The following ORC1 variants were observed in gnomAD, a reference collection of about 807,000 sequenced individuals.
ORC1 encodes origin recognition complex, subunit 1 homolog.
ORC1 carries 61 observed loss-of-function variants against 98.9 expected under a neutral mutation model. That is an observed-to-expected ratio of 0.62 (90% CI 0.50 to 0.76). The LOEUF is 0.76. ORC1 is among the 30% of genes least tolerant of loss of function. ORC1 has a pLI of 0.00. For missense variants in ORC1, 979 were observed against 1,072.2 expected (o/e 0.91, Z 1.21); for synonymous variants, 385 against 406.9 (o/e 0.95, Z 0.65).
At chr1:52,383,329 G>A (rs569496361) in intron 13 of ORC1, 91 bp downstream of exon 13, 96 of 1,508,754 alleles carry the variant, frequency 6.4e-5, no homozygotes, top group African/African-American at 5.9e-4. Flanking sequence ...GTTTACAGGC[G>A]TGAGCCACCA....
chr1:52,396,122 C>T lies in ORC1; in HGVS notation c.645G>A (p.Arg215=), dbSNP rs1181678979. ...AEHVAKRIES[R]HSASKSRQTP... Reference sequence around the variant, plus strand: ...TTTGGCGAGATTTGGAGGCGGAGTGCCTTGATTCAATCCTTTTGGCCACAT... The same window carrying T: ...TTTGGCGAGATTTGGAGGCGGAGTGTCTTGATTCAATCCTTTTGGCCACAT... Residue 215 remains arginine (R), a synonymous_variant, in exon 5 of 17, where the codon AGG becomes AGA. Transcript: ENST00000371568. The T allele has an allele frequency of 1.9e-6, 3 of 1,614,038 alleles. No individual in the cohort carries two copies. The highest frequency in any genetic ancestry group is 2.5e-6 in the Non-Finnish European group (3 of 1,180,056).
chr1:52,375,777 A>C (rs191522854), intron 14 of ORC1, among the ~76,000 whole-genome samples, 178 bp from the exon 15 acceptor site: 1 of 152,336 alleles, frequency 6.6e-6, no homozygotes, highest in East Asian at 1.9e-4. Context: ...CCTCTAGTCC[A>C]AACCTCTGTC....
In ORC1 at chr1:52,396,142, C is replaced by T. The variant is rs1553148123; in HGVS notation, c.625G>A (p.Ala209Thr). 4.3e-6 allele frequency: 7 copies of T among 1,614,122 alleles called. No individual in the cohort carries two copies. In the Middle Eastern group the frequency reaches 1.2e-3, roughly 266 times the overall value. ...GAGTGCCTTGATTCAATCCTTTTGG[C>T]CACATGTTCTGCTGGGGTCCAAGAA... Reference protein sequence around the residue: ...SPSWTPAEHVAKRIESRHSAS... With the variant: ...SPSWTPAEHVTKRIESRHSAS... Residue 209 changes from alanine to threonine, a missense_variant, in exon 5 of 17, where the codon GCC (alanine) becomes ACC (threonine). Ala to Thr is a moderately conservative substitution (Grantham distance 58). Coordinates refer to ENST00000371568, the MANE Select transcript of ORC1 (RefSeq NM_004153.4).
At chr1:52,408,540 C>T, upstream of ORC1, 2 of 1,613,824 alleles carry the variant, frequency 1.2e-6, no homozygotes, top group Non-Finnish European at 1.7e-6. Context: ...CTAGGATGGC[C>T]TGTTGTTTCA....
At chr1:52,404,695 C>G, upstream of ORC1, 1 of 1,580,994 alleles carries the variant, frequency 6.3e-7, no homozygotes, top group Non-Finnish European at 8.6e-7. Context: ...TTTTTCTGAA[C>G]CTGGATGTGA....
At chr1:52,388,834 A>G (rs1258785517) in intron 7 of ORC1, among the ~76,000 whole-genome samples, 197 bp from the exon 8 acceptor site, 4 of 152,066 alleles carry the variant, frequency 2.6e-5, no homozygotes, top group African/African-American at 9.7e-5. Flanking sequence ...TATGACATGT[A>G]TATTATTATA....
At chr1:52,395,587 T>G (rs1569947268) in intron 5 of ORC1, among the ~76,000 whole-genome samples, 1 of 152,102 alleles carries the variant, frequency 6.6e-6, no homozygotes, top group East Asian at 1.9e-4. Context: ...CCAAGGCGGG[T>G]GGATCACTTG....
At chr1:52,375,340 TA>T in intron 15 of ORC1, 89 bp downstream of exon 15, 1 of 1,118,202 alleles carries the variant, frequency 8.9e-7, no homozygotes, top group Non-Finnish European at 1.4e-6. Flanking sequence ...ACTGTGTTAT[TA>T]ATAAGTGCAG....
At chr1:52,382,414 A>G (rs1001009093) in intron 13 of ORC1, among the ~76,000 whole-genome samples, 4 of 152,078 alleles carry the variant, frequency 2.6e-5, no homozygotes, top group Non-Finnish European at 5.9e-5. Context: ...TATGCTATAC[A>G]TTGTCACTGC....
At chr1:52,383,086 T>C (rs1220050436) in intron 13 of ORC1, among the ~76,000 whole-genome samples, 2 of 151,854 alleles carry the variant, frequency 1.3e-5, no homozygotes, top group East Asian at 3.9e-4. Flanking sequence ...TTTTTTTTTT[T>C]TGGGATGGAC....
At chr1:52,408,923 T>G, upstream of ORC1, 1 of 410,134 alleles carries the variant, frequency 2.4e-6, no homozygotes, top group Non-Finnish European at 4.4e-6. Flanking sequence ...GTGCATCTTA[T>G]GTTAATCCCT....
rs964590065 is a variant in ORC1 at position 52,383,870 on chromosome 1, C to T, written c.1823G>A (p.Arg608Gln). The T allele has an allele frequency of 1.1e-5, 18 of 1,614,000 alleles. No homozygotes were observed. The highest frequency in any genetic ancestry group is 1.4e-5 in the Non-Finnish European group (17 of 1,180,034). Residue 608 changes from arginine (R) to glutamine (Q), a missense_variant, in exon 12 of 17, where the codon CGA (arginine) becomes CAA (glutamine). By Grantham distance (43) the Arg-to-Gln change is conservative (BLOSUM62 1). Coordinates refer to ENST00000371568, the MANE Select transcript of ORC1 (RefSeq NM_004153.4). ...GACGGTGGTTTCCTGAGGTGACCCT[C>T]GGGTGCAGAATTGCTTTGCCAGCAG... ...AELLAKQFCT[R>Q]GSPQETTVLL... is the part of the protein sequence containing the mutation.
chr1:52,409,468 G>A, the ORC1 span: 2 of 152,154 alleles, frequency 1.3e-5, no homozygotes, highest in Admixed American at 1.3e-4. Flanking sequence ...GTAATTAGCA[G>A]GGTGTGGAGG....
At chr1:52,380,608 T>A (rs1557571410) in intron 14 of ORC1, among the ~76,000 whole-genome samples, 1 of 151,058 alleles carries the variant, frequency 6.6e-6, no homozygotes, top group Admixed American at 6.6e-5. Flanking sequence ...GGCAGGAGAA[T>A]CTCTTGAACC....
chr1:52,403,839 G>C (rs1263357319), intron 1 of ORC1, among the ~76,000 whole-genome samples: 1 of 152,164 alleles, frequency 6.6e-6, no homozygotes, highest in Non-Finnish European at 1.5e-5. Context: ...CGCAATTTAC[G>C]TCCGTAAAAT....
At chr1:52,385,788 T>C in intron 9 of ORC1, 64 bp downstream of exon 9, 6 of 1,067,288 alleles carry the variant, frequency 5.6e-6, no homozygotes, top group Non-Finnish European at 8.8e-6. Context: ...GCTAATTTTA[T>C]GTGAATGAAA....
chr1:52,375,495 G>A lies in ORC1; in HGVS notation c.2238C>T (p.Val746=). The change falls in exon 15 of 17, where the codon GTC becomes GTT. Residue 746 remains valine, a synonymous_variant. Coordinates refer to ENST00000371568, the MANE Select transcript of ORC1 (RefSeq NM_004153.4). ...SQQKPDSPGL[V]TIAHSMEAVD... ...CAGCTTCCATTGAGTGGGCTATGGTGACCAGGCCAGGGGAGTCAGGCTTCT... is the reference window on the plus strand; with the variant it reads ...CAGCTTCCATTGAGTGGGCTATGGTAACCAGGCCAGGGGAGTCAGGCTTCT... 1.2e-6 allele frequency: 2 copies of A among 1,614,158 alleles called. No individual in the cohort carries two copies. Among genetic ancestry groups the A allele is most frequent in the Non-Finnish European group, 1.7e-6 (2 of 1,180,022 alleles).
upstream of ORC1, chr1:52,405,904 G>A (rs181263033): frequency 3.0e-6 from 4 of 1,354,102 alleles, no homozygotes; most frequent in Admixed American, 5.1e-5. Context: ...TTGGGCTTTG[G>A]TTAAGAGGGG....
chr1:52,394,449 CTCTAG>C (rs1190611345), intron 5 of ORC1, among the ~76,000 whole-genome samples: 3 of 152,142 alleles, frequency 2.0e-5, no homozygotes, highest in African/African-American at 4.8e-5. Context: ...ACAAAAAACA[CTCTAG>C]TCTAACAGAT....
Sources: gnomAD v4.1 joint callset for allele counts (sites outside exome capture counted in the v4.1 genomes callset) on GRCh38, gnomAD v4.1.1 for gene constraint, MANE v1.5 for transcripts, NCBI Gene and HGNC (gene_info 2026-07-23, HGNC 2026-07-21) for gene names.